The following ABL2 variants were observed in gnomAD, a reference collection of about 807,000 sequenced individuals.
ABL2 encodes ABL proto-oncogene 2, non-receptor tyrosine kinase.
In ABL2, 49 loss-of-function variants were observed where a neutral mutation model predicts 107.7. That is an observed-to-expected ratio of 0.45 (90% confidence interval 0.36 to 0.58). The LOEUF (loss-of-function observed/expected upper bound fraction) is 0.58. Ranked by LOEUF, ABL2 falls within the 20% of genes least tolerant of loss-of-function variation. The pLI is 0.00. For missense variants in ABL2, 1,245 were observed against 1,457.0 expected, an observed-to-expected ratio of 0.85 and a Z score of 2.37; for synonymous variants, 549 against 548.6, an observed-to-expected ratio of 1.00 and a Z score of -0.01.
chr1:179,161,613 A>G (rs1384228317), intron 1 of ABL2, among the ~76,000 whole-genome samples: 2 of 152,180 alleles, frequency 1.3e-5, no homozygotes, highest in African/African-American at 4.8e-5. Context: ...CTAGAGGCTG[A>G]GACAGGAGGA....
At position 179,229,170 on chromosome 1, in the gene ABL2, G is replaced by GGC; in HGVS notation, c.157+70_157+71insGC. The GGC allele has an allele frequency of 3.9e-4, 105 of 266,236 alleles. 4 individuals are homozygous for GGC. Among genetic ancestry groups the GGC allele is most frequent in the East Asian group, 9.4e-4 (10 of 10,678 alleles). 16.5% of individuals were successfully genotyped at this position (266,236 alleles called of 1,614,324 possible). A position where few individuals can be genotyped will look rare whatever the true frequency, so the allele number is the denominator to read the frequency against. On this transcript the variant is annotated intron_variant, in intron 1 of 11. Transcript: ENST00000502732. ...CTCCGACCCCTCGGGCAGCCCGTCC[G>GGC]CCACCCACCCCGCCCCGACCCCACC... is the stretch of plus-strand genomic sequence containing the variant.
intron 1 of ABL2, among the ~76,000 whole-genome samples, chr1:179,188,672 C>T (rs1451015111): frequency 6.6e-6 from 1 of 152,178 alleles, no homozygotes; most frequent in Non-Finnish European, 1.5e-5. Context: ...CCTGTCTCCA[C>T]GCACTATAAT....
intron 1 of ABL2, among the ~76,000 whole-genome samples, chr1:179,195,596 T>C (rs958424248): frequency 6.6e-6 from 1 of 152,144 alleles, no homozygotes; most frequent in Non-Finnish European, 1.5e-5. Context: ...CACTGCAGCA[T>C]TAGTCACAAT....
chr1:179,196,804 T>C (rs1198850534), intron 1 of ABL2, among the ~76,000 whole-genome samples: 1 of 151,336 alleles, frequency 6.6e-6, no homozygotes, highest in Non-Finnish European at 1.5e-5. Context: ...AAAACCCCAC[T>C]GACCTGTACA....
At chr1:179,148,429 C>T (rs1440104359) in intron 1 of ABL2, among the ~76,000 whole-genome samples, 1 of 152,084 alleles carries the variant, frequency 6.6e-6, no homozygotes, top group African/African-American at 2.4e-5. Flanking sequence ...TAATTGTTAT[C>T]ATATCTATTA....
chr1:179,198,642 G>A (rs1354332933), intron 1 of ABL2, among the ~76,000 whole-genome samples: 49 of 118,938 alleles, frequency 4.1e-4, no homozygotes, highest in South Asian at 1.8e-3. Context: ...GCAGTGAGCC[G>A]AGATCACGCC....
intron 7 of ABL2, 119 bp from the exon 8 acceptor site, chr1:179,117,635 G>C (rs540881426): frequency 1.1e-6 from 1 of 924,574 alleles, no homozygotes; most frequent in South Asian, 1.7e-5. Flanking sequence ...AAATATGGTA[G>C]TATCTTCTGA....
At position 179,218,311 on chromosome 1, in the gene ABL2, C is replaced by A. The variant is rs1455445526; in HGVS notation, c.157+10930G>T. Reference sequence around the variant, plus strand: ...CATGTGGACACTAATAGGCTAGGAACAAATGAATTTCTGAACCAGTTTTGA... The same window carrying A: ...CATGTGGACACTAATAGGCTAGGAAAAAATGAATTTCTGAACCAGTTTTGA... On this transcript the variant is annotated intron_variant, in intron 1 of 11. Coordinates refer to ENST00000502732, the MANE Select transcript of ABL2 (RefSeq NM_007314.4). Among the ~76,000 whole-genome samples, 4 of 152,178 alleles carry A rather than the reference C, an allele frequency of 2.6e-5. No individual in the cohort carries two copies. The East Asian group carries it at 5.8e-4, about 22-fold the overall frequency.
intron 1 of ABL2, among the ~76,000 whole-genome samples, chr1:179,214,111 A>G (rs1039479911): frequency 6.6e-6 from 1 of 152,174 alleles, no homozygotes; most frequent in Non-Finnish European, 1.5e-5. Flanking sequence ...ATTATACTTA[A>G]CAACAAAAAT....
At chr1:179,184,477 A>T in intron 1 of ABL2, 1 of 869,542 alleles carries the variant, frequency 1.2e-6, no homozygotes, top group Non-Finnish European at 1.8e-6. Flanking sequence ...GCAGGTGCTC[A>T]TATGTTAGGA....
At chr1:179,144,956 A>C (rs148912019) in intron 1 of ABL2, among the ~76,000 whole-genome samples, 1 of 152,220 alleles carries the variant, frequency 6.6e-6, no homozygotes, top group Non-Finnish European at 1.5e-5. Context: ...TTCTATTTAA[A>C]TTACCAATAA....
chr1:179,107,163 T>C lies in ABL2; in HGVS notation c.*555A>G, dbSNP rs1413076841. ...GATAGGGCCATATTTCCCAGTTTTA[T>C]GTTGTAGCACTCTGATTTGCAGTTC... On this transcript the variant is annotated 3_prime_UTR_variant, in exon 12 of 12. Transcript: ENST00000502732. 3 of 232,356 alleles carry C rather than the reference T, an allele frequency of 1.3e-5. No homozygotes were observed. The highest frequency in any genetic ancestry group is 2.6e-5 in the Non-Finnish European group (3 of 117,620). The allele number at this position is 232,356 out of a possible 1,614,324, so 14.4% of individuals were successfully genotyped here.
At chr1:179,204,112 C>T (rs1661824488) in intron 1 of ABL2, among the ~76,000 whole-genome samples, 1 of 152,074 alleles carries the variant, frequency 6.6e-6, no homozygotes, top group Non-Finnish European at 1.5e-5. Flanking sequence ...CTGCAACCTC[C>T]ACCTCCCAGG....
intron 1 of ABL2, among the ~76,000 whole-genome samples, chr1:179,136,714 AAAT>A (rs1557944705): frequency 3.6e-4 from 46 of 129,398 alleles, no homozygotes; most frequent in African/African-American, 1.4e-3. Flanking sequence ...AATAAAAAAT[AAAT>A]AAATAAATAA....
chr1:179,138,202 G>A (rs1657220701), intron 1 of ABL2, among the ~76,000 whole-genome samples: 1 of 152,272 alleles, frequency 6.6e-6, no homozygotes, highest in Middle Eastern at 3.4e-3. Context: ...GAATGACCCA[G>A]GGATCTTTTC....
chr1:179,229,609 C>T lies in ABL2; in HGVS notation c.-212G>A, dbSNP rs1663441387. ...CTCACAGATTCTGCTTTTCCCTCCT[C>T]CTGTCGCGGCTCCGCGCCCCCAACG... On this transcript the variant is annotated 5_prime_UTR_variant, in exon 1 of 12. Transcript: ENST00000502732. 5.6e-6 allele frequency: 3 copies of T among 538,378 alleles called. No individual in the cohort carries two copies. Among genetic ancestry groups the T allele is most frequent in the Non-Finnish European group, 9.3e-6 (3 of 322,808 alleles). The allele number at this position is 538,378 out of a possible 1,614,324, so 33.4% of individuals were successfully genotyped here.
chr1:179,151,851 T>C (rs966260992), intron 1 of ABL2, among the ~76,000 whole-genome samples: 1 of 152,212 alleles, frequency 6.6e-6, no homozygotes, highest in Non-Finnish European at 1.5e-5. Context: ...ACTATCTAAG[T>C]TGTTATCACC....
At chr1:179,116,911 C>A (rs928437402) in intron 8 of ABL2, 17 of 220,614 alleles carry the variant, frequency 7.7e-5, no homozygotes, top group African/African-American at 3.9e-4. Context: ...TGGCTCACTG[C>A]AACCTCTGCC....
rs545585091 is a variant in ABL2 at position 179,131,774 on chromosome 1, G to A, written c.221-293C>T. On this transcript the variant is annotated intron_variant, in intron 2 of 11. Coordinates refer to ENST00000502732, the MANE Select transcript of ABL2 (RefSeq NM_007314.4). Reference sequence around the variant, plus strand: ...CAGACATAAACTAATAGGAAACGCAGTTTTCTCAAAATGGAAAAAAGAATC... The same window carrying A: ...CAGACATAAACTAATAGGAAACGCAATTTTCTCAAAATGGAAAAAAGAATC... 1.5e-3 allele frequency among the ~76,000 whole-genome samples: 236 copies of A among 152,304 alleles called. 8 individuals are homozygous for A. The South Asian group carries it at 0.048, about 31-fold the overall frequency.
Sources: gnomAD v4.1 joint callset for allele counts (sites outside exome capture counted in the v4.1 genomes callset) on GRCh38, gnomAD v4.1.1 for gene constraint, MANE v1.5 for transcripts, NCBI Gene and HGNC (gene_info 2026-07-23, HGNC 2026-07-21) for gene names.